The following MYLIP variants were observed in gnomAD, a reference collection of about 807,000 sequenced individuals.
MYLIP encodes E3 ubiquitin-protein ligase MYLIP.
Under a neutral mutation model 45.8 loss-of-function variants are expected in MYLIP, and 26 were observed. The observed-to-expected ratio is 0.57, with a 90% CI of 0.42 to 0.79. The LOEUF is 0.79. MYLIP is among the 30% of genes least tolerant of loss of function. The pLI is 0.00. For missense variants in MYLIP, 494 were observed against 555.6 expected (o/e 0.89, Z 1.11); for synonymous variants, 213 against 218.1 (o/e 0.98, Z 0.21).
chr6:16,154,107 CA>C, the MYLIP span, among the ~76,000 whole-genome samples: 1 of 152,144 alleles, frequency 6.6e-6, no homozygotes, highest in African/African-American at 2.4e-5. Flanking sequence ...CTCTTCATAT[CA>C]CCTCTATGTT....
downstream of MYLIP, among the ~76,000 whole-genome samples, chr6:16,150,208 C>T (rs1027279335): frequency 2.0e-5 from 3 of 152,082 alleles, no homozygotes; most frequent in Non-Finnish European, 2.9e-5. Context: ...ATAGGGATAA[C>T]GAGGGGCAGA....
chr6:16,135,754 T>C lies in MYLIP; in HGVS notation c.278+5007T>C, dbSNP rs945769174. Among the ~76,000 whole-genome samples the C allele has an allele frequency of 6.3e-3, 652 of 103,938 alleles. 16 individuals are homozygous for C. The highest frequency in any genetic ancestry group is 0.025 in the African/African-American group (611 of 24,236). The allele number at this position is 103,938 out of a possible 152,430, so 68.2% of individuals were successfully genotyped here. On this transcript the variant is annotated intron_variant, in intron 2 of 6. Coordinates refer to ENST00000356840, the MANE Select transcript of MYLIP (RefSeq NM_013262.4). ...CATTATATGTGTGTGTATACATATA[T>C]CTATATATATATATATATATATATG...
the MYLIP span, among the ~76,000 whole-genome samples, chr6:16,159,775 G>A: frequency 1.4e-4 from 21 of 152,320 alleles, no homozygotes; most frequent in African/African-American, 5.1e-4. Flanking sequence ...CTGACTAGCT[G>A]AGGGTCAGCA....
intron 6 of MYLIP, among the ~76,000 whole-genome samples, chr6:16,145,881 GT>G (rs1376699329): frequency 6.6e-6 from 1 of 152,144 alleles, no homozygotes; most frequent in Non-Finnish European, 1.5e-5. Flanking sequence ...CTCACATATA[GT>G]TTTCTTCCTT....
At chr6:16,139,747 G>A (rs550480572) in intron 2 of MYLIP, among the ~76,000 whole-genome samples, 2 of 152,170 alleles carry the variant, frequency 1.3e-5, no homozygotes, top group Non-Finnish European at 2.9e-5. Context: ...TTAGCAGTAT[G>A]TCAGAAATAC....
At position 16,141,617 on chromosome 6, in the gene MYLIP, C is replaced by T; in HGVS notation, c.279-8C>T. ...CAAGCATAACCTCACTCTCACCTTG[C>T]TTTGCAGGCATATCTTTTTCTTGCA... is the stretch of plus-strand genomic sequence containing the variant. On this transcript the variant is annotated splice_polypyrimidine_tract_variant and splice_region_variant and intron_variant, in intron 2 of 6. Coordinates refer to ENST00000356840, the MANE Select transcript of MYLIP (RefSeq NM_013262.4). The T allele has an allele frequency of 1.9e-6, 3 of 1,608,658 alleles. No homozygotes were observed. The highest frequency in any genetic ancestry group is 1.7e-5 in the Admixed American group (1 of 59,830).
Position 16,129,438 on chromosome 6 carries a change from G to A in MYLIP, c.87+29G>A. 6.4e-7 allele frequency: 1 copy of A among 1,558,434 alleles called. No homozygotes were observed. Among genetic ancestry groups the A allele is most frequent in the African/African-American group, 1.4e-5 (1 of 73,430 alleles). ...AGGGCGAGGGGCAAGAAGGGGCCCCGGCGGGTCCCGCGAGGCCGAGGGGCC... is the reference window on the plus strand; with the variant it reads ...AGGGCGAGGGGCAAGAAGGGGCCCCAGCGGGTCCCGCGAGGCCGAGGGGCC... On this transcript the variant is annotated intron_variant, in intron 1 of 6. Coordinates refer to ENST00000356840, the MANE Select transcript of MYLIP (RefSeq NM_013262.4). This position sits in a 1 kb window ranked among gnomAD's most constrained non-coding sequence, Gnocchi z 5.1.
At chr6:16,152,666 A>G (rs938324148), downstream of MYLIP, among the ~76,000 whole-genome samples, 3 of 152,212 alleles carry the variant, frequency 2.0e-5, no homozygotes, top group African/African-American at 7.2e-5. Flanking sequence ...CTGTAAACTA[A>G]TAATTCCACT....
chr6:16,158,117 C>T, the MYLIP span, among the ~76,000 whole-genome samples: 1 of 152,182 alleles, frequency 6.6e-6, no homozygotes, highest in Non-Finnish European at 1.5e-5. Context: ...TACGGATTAT[C>T]GCTGTGAAAG....
intron 3 of MYLIP, among the ~76,000 whole-genome samples, chr6:16,142,333 T>A (rs1759690944): frequency 6.6e-6 from 1 of 152,268 alleles, no homozygotes; most frequent in South Asian, 2.1e-4. Context: ...TCTGTGCCTT[T>A]AAGTACAAAT....
At chr6:16,157,545 A>G in the MYLIP span, among the ~76,000 whole-genome samples, 1 of 152,268 alleles carries the variant, frequency 6.6e-6, no homozygotes, top group African/African-American at 2.4e-5. Context: ...AAGGCTCAAT[A>G]GATGAATGAC....
Position 16,137,711 on chromosome 6 carries a change from G to A in MYLIP, c.279-3914G>A, listed in dbSNP as rs1047480007. On this transcript the variant is annotated intron_variant, in intron 2 of 6. Transcript: ENST00000356840. ...GAGACAAGCCTGTGTTTAGAGGAAAGTTCTCTGATTACAACTCTTAAAAGA... is the reference window on the plus strand; with the variant it reads ...GAGACAAGCCTGTGTTTAGAGGAAAATTCTCTGATTACAACTCTTAAAAGA... Among the ~76,000 whole-genome samples, 4 of 152,090 alleles carry A rather than the reference G, an allele frequency of 2.6e-5. No homozygotes were observed. In the East Asian group the frequency reaches 7.7e-4, roughly 29 times the overall value.
the MYLIP span, among the ~76,000 whole-genome samples, chr6:16,162,511 T>G: frequency 6.6e-6 from 1 of 152,132 alleles, no homozygotes; most frequent in Non-Finnish European, 1.5e-5. Flanking sequence ...CAACATATAG[T>G]TAAAAATGTG....
chr6:16,129,623 C>T lies in MYLIP; in HGVS notation c.87+214C>T, dbSNP rs963541200. On this transcript the variant is annotated intron_variant, in intron 1 of 6. Transcript: ENST00000356840. The surrounding 1 kb of genome is among the most constrained non-coding windows in gnomAD (Gnocchi z 5.1). ...CGCGGAGAAAGCGCGCAGCGGGGGT[C>T]CCCAGCGCTGAGGGCCGGGCGCAGC... Among the ~76,000 whole-genome samples the T allele has an allele frequency of 6.6e-6, 1 of 152,154 alleles. No homozygotes were observed. The highest frequency in any genetic ancestry group is 1.5e-5 in the Non-Finnish European group (1 of 68,000).
rs1405253872 is a variant in MYLIP at position 16,129,639 on chromosome 6, C to G, written c.87+230C>G. On this transcript the variant is annotated intron_variant, in intron 1 of 6. Coordinates refer to ENST00000356840, the MANE Select transcript of MYLIP (RefSeq NM_013262.4). The surrounding 1 kb of genome is among the most constrained non-coding windows in gnomAD (Gnocchi z 5.1). ...AGCGGGGGTCCCCAGCGCTGAGGGC[C>G]GGGCGCAGCCCGCAGCCGGGATCCA... Among the ~76,000 whole-genome samples the G allele has an allele frequency of 6.6e-6, 1 of 152,168 alleles. No homozygotes were observed. Among genetic ancestry groups the G allele is most frequent in the African/African-American group, 2.4e-5 (1 of 41,464 alleles).
the MYLIP span, among the ~76,000 whole-genome samples, chr6:16,160,020 G>A: frequency 6.6e-6 from 1 of 152,172 alleles, no homozygotes; most frequent in Admixed American, 6.5e-5. Flanking sequence ...TTAGATTTAG[G>A]CATTGCCTGC....
intron 2 of MYLIP, among the ~76,000 whole-genome samples, chr6:16,140,644 C>T (rs1759650543): frequency 6.6e-6 from 1 of 152,140 alleles, no homozygotes; most frequent in Non-Finnish European, 1.5e-5. Context: ...AGACCAGAGA[C>T]ACCAGAGCAT....
Position 16,148,092 on chromosome 6 carries a change from T to G in MYLIP, c.*1341T>G, listed in dbSNP as rs1759832726. 6.6e-6 allele frequency: 1 copy of G among 152,664 alleles called. No individual in the cohort carries two copies. The highest frequency in any genetic ancestry group is 1.5e-5 in the Non-Finnish European group (1 of 68,048). The allele number at this position is 152,664 out of a possible 1,614,324, so 9.5% of individuals were successfully genotyped here. On this transcript the variant is annotated 3_prime_UTR_variant, in exon 7 of 7. Transcript: ENST00000356840. ...CAGACATTTTGTCAAATATTAAAACTCTACTTTTTTATGGCACATATTAGC... is the reference window on the plus strand; with the variant it reads ...CAGACATTTTGTCAAATATTAAAACGCTACTTTTTTATGGCACATATTAGC...
At chr6:16,155,607 A>G in the MYLIP span, among the ~76,000 whole-genome samples, 23 of 152,236 alleles carry the variant, frequency 1.5e-4, no homozygotes, top group Admixed American at 8.5e-4. Flanking sequence ...GAGTGCAGGC[A>G]CTGGAGTTAG....
Sources: gnomAD v4.1 joint callset for allele counts (sites outside exome capture counted in the v4.1 genomes callset) on GRCh38, gnomAD v4.1.1 for gene constraint, Gnocchi (gnomAD v3.1) non-coding constraint, MANE v1.5 for transcripts, NCBI Gene and HGNC (gene_info 2026-07-23, HGNC 2026-07-21) for gene names.